HNRNPUL1: variants seen among roughly 807,000 people sequenced by gnomAD.
HNRNPUL1 encodes the protein heterogeneous nuclear ribonucleoprotein U like 1, also known as heterogeneous nuclear ribonucleoprotein U-like protein 1.
Under a neutral mutation model 108.5 loss-of-function variants are expected in HNRNPUL1, and 14 were observed. The observed-to-expected ratio is 0.13, with a 90% CI of 0.09 to 0.20. HNRNPUL1 has a LOEUF of 0.20. Among genes scored for constraint, HNRNPUL1 ranks in the 10% least tolerant of loss-of-function variants. The probability of loss-of-function intolerance (pLI) is 1.00; values close to 1 mark genes in which losing one functional copy is unlikely to be tolerated. For missense variants in HNRNPUL1, 804 were observed against 1,168.3 expected (o/e 0.69, Z 4.55); for synonymous variants, 422 against 445.2 (o/e 0.95, Z 0.66).
Position 41,264,725 on chromosome 19 carries a change from G to T in HNRNPUL1, c.222G>T (p.Gly74=). 1 of 1,441,742 alleles carries T rather than the reference G, an allele frequency of 6.9e-7. No homozygotes were observed. The allele number at this position is 1,441,742 out of a possible 1,614,324, so 89.3% of individuals were successfully genotyped here. A position where few individuals can be genotyped will look rare whatever the true frequency, so the allele number is the denominator to read the frequency against. ...CCGAGGGGGGCTCCGAGCTGGAGGG[G>T]ACCGCGCAGCCACCGCCGCCCGGGC... ...VETEGGSELE[G]TAQPPPPGLQ... is the part of the protein sequence containing the mutation. The change falls in exon 1 of 15, where the codon GGG becomes GGT. Residue 74 remains glycine (G), a synonymous_variant. Coordinates refer to ENST00000392006, the MANE Select transcript of HNRNPUL1 (RefSeq NM_007040.6).
At chr19:41,266,068 T>G (rs938271434) in intron 1 of HNRNPUL1, among the ~76,000 whole-genome samples, 1 of 152,024 alleles carries the variant, frequency 6.6e-6, no homozygotes, top group Non-Finnish European at 1.5e-5. Flanking sequence ...TGGGAATGGG[T>G]TCGGGTAGAC....
At position 41,292,840 on chromosome 19, in the gene HNRNPUL1, C is replaced by A. The variant is rs1292099715; in HGVS notation, c.1266+329C>A. 7.2e-5 allele frequency among the ~76,000 whole-genome samples: 11 copies of A among 152,082 alleles called. No homozygotes were observed. Among genetic ancestry groups the A allele is most frequent in the Non-Finnish European group, 1.5e-4 (10 of 68,004 alleles). ...CTTCTTGGGGAGTGCACTGTGCCAC[C>A]AAGTGTTCTTTTTTTTTCTTTAGAG... On this transcript the variant is annotated intron_variant, in intron 8 of 14. Transcript: ENST00000392006. This position sits in a 1 kb window ranked among gnomAD's most constrained non-coding sequence, Gnocchi z 4.1.
intron 1 of HNRNPUL1, among the ~76,000 whole-genome samples, chr19:41,266,249 A>G (rs2034836518): frequency 6.6e-6 from 1 of 152,106 alleles, no homozygotes; most frequent in African/African-American, 2.4e-5. Flanking sequence ...TCTGGCCAGC[A>G]TAGTGAAACC....
chr19:41,278,803 TTA>T (rs2035728237), intron 5 of HNRNPUL1, among the ~76,000 whole-genome samples: 1 of 152,140 alleles, frequency 6.6e-6, no homozygotes. Flanking sequence ...CTGTAACAGT[TTA>T]TCTTTCTACT....
At position 41,304,348 on chromosome 19, in the gene HNRNPUL1, A is replaced by G. The variant is rs141849845; in HGVS notation, c.2262+87A>G. ...GTTAGGTGGAGGCGGATCTGGGGAA[A>G]TCAACACATGCCCCAGCTACTGGTC... On this transcript the variant is annotated intron_variant, in intron 13 of 14. Coordinates refer to ENST00000392006, the MANE Select transcript of HNRNPUL1 (RefSeq NM_007040.6). 11 of 1,520,654 alleles carry G rather than the reference A, an allele frequency of 7.2e-6. No individual in the cohort carries two copies. In the African/African-American group the frequency reaches 1.1e-4, roughly 15 times the overall value. 94.2% of individuals were successfully genotyped at this position (1,520,654 alleles called of 1,614,324 possible). A position where few individuals can be genotyped will look rare whatever the true frequency, so the allele number is the denominator to read the frequency against.
chr19:41,293,767 A>G (rs928665637), intron 8 of HNRNPUL1, among the ~76,000 whole-genome samples: 1 of 152,162 alleles, frequency 6.6e-6, no homozygotes, highest in African/African-American at 2.4e-5. Context: ...GAGGCCAAGA[A>G]GGGAGGAGGA....
chr19:41,283,435 C>A (rs1290111565), intron 7 of HNRNPUL1, among the ~76,000 whole-genome samples: 1 of 152,118 alleles, frequency 6.6e-6, no homozygotes, highest in Admixed American at 6.5e-5. Context: ...TGTGCACCAC[C>A]ACGCCTGGCT....
At chr19:41,289,285 T>C (rs901025344) in intron 7 of HNRNPUL1, among the ~76,000 whole-genome samples, 12 of 152,320 alleles carry the variant, frequency 7.9e-5, no homozygotes, top group South Asian at 6.2e-4. Flanking sequence ...GTAAAAATCA[T>C]TGGTCTCCTG....
At chr19:41,283,910 C>G (rs939314454) in intron 7 of HNRNPUL1, among the ~76,000 whole-genome samples, 1 of 152,172 alleles carries the variant, frequency 6.6e-6, no homozygotes. Flanking sequence ...TAAAATTAAC[C>G]AGCGCATACT....
Position 41,274,146 on chromosome 19 carries a change from C to T in HNRNPUL1, c.646+91C>T, listed in dbSNP as rs577459845. 2.1e-5 allele frequency: 22 copies of T among 1,025,152 alleles called. No individual in the cohort carries two copies. In the Middle Eastern group the frequency reaches 6.1e-4, roughly 28 times the overall value. 63.5% of individuals were successfully genotyped at this position (1,025,152 alleles called of 1,614,324 possible). The stretch of plus-strand genomic sequence containing the variant: ...CTTCACCAGAATCCCTGCTGGGCAC[C>T]GTCCAAAGACATTGTTAGTCCACAT... On this transcript the variant is annotated intron_variant, in intron 4 of 14. Transcript: ENST00000392006.
chr19:41,299,026 A>G (rs536984601), intron 10 of HNRNPUL1: 1 of 152,320 alleles, frequency 6.6e-6, no homozygotes, highest in East Asian at 1.9e-4. Flanking sequence ...TAGCTGAGGA[A>G]GCCAAACTCT....
At chr19:41,304,475 G>A (rs556442093) in intron 13 of HNRNPUL1, among the ~76,000 whole-genome samples, 4 of 152,270 alleles carry the variant, frequency 2.6e-5, no homozygotes, top group Non-Finnish European at 2.9e-5. Flanking sequence ...AGGAGTAAAT[G>A]TAGACCTTCC....
intron 14 of HNRNPUL1, 51 bp downstream of exon 14, chr19:41,305,918 T>A: frequency 8.0e-7 from 1 of 1,253,072 alleles, no homozygotes; most frequent in East Asian, 2.4e-5. Context: ...CATGGGCCCC[T>A]CCTGGGTGTG....
chr19:41,264,601 T>C lies in HNRNPUL1; in HGVS notation c.98T>C (p.Leu33Pro), dbSNP rs773422950. The change falls in exon 1 of 15, where the codon CTG becomes CCG. Residue 33 changes from leucine (L) to proline (P), a missense_variant. Physicochemically the swap from Leu to Pro is moderately conservative, Grantham distance 98. Coordinates refer to ENST00000392006, the MANE Select transcript of HNRNPUL1 (RefSeq NM_007040.6). ...RGLKAELAERLQAALEAEEPD... is the reference protein window; with the variant it reads ...RGLKAELAERPQAALEAEEPD... The stretch of plus-strand genomic sequence containing the variant: ...CTCAAGGCCGAGCTTGCTGAGCGGC[T>C]GCAGGCGGCGTTGGAGGCCGAGGAG... 10 of 1,578,024 alleles carry C rather than the reference T, an allele frequency of 6.3e-6. No individual in the cohort carries two copies. In the African/African-American group the frequency reaches 1.4e-4, roughly 22 times the overall value.
At chr19:41,299,224 C>T (rs926819405) in intron 10 of HNRNPUL1, among the ~76,000 whole-genome samples, 5 of 152,176 alleles carry the variant, frequency 3.3e-5, no homozygotes, top group Non-Finnish European at 7.3e-5. Context: ...GCCTGTCACC[C>T]ACATGACTGC....
rs1258655662 is a variant in HNRNPUL1, at chr19:41,294,674, T to C, written c.1506T>C (p.Tyr502=). ...IQIAARKKRN[Y]ILDQTNVYGS... is the part of the protein sequence containing the mutation. Reference sequence around the variant, plus strand: ...TTGCTGCCCGCAAGAAACGCAACTATATCCTAGATCAGGTACTTAATGATG... The same window carrying C: ...TTGCTGCCCGCAAGAAACGCAACTACATCCTAGATCAGGTACTTAATGATG... The change falls in exon 10 of 15, where the codon TAT becomes TAC. Residue 502 remains tyrosine (Y), a synonymous_variant. Transcript: ENST00000392006. This position sits in a 1 kb window ranked among gnomAD's most constrained non-coding sequence, Gnocchi z 4.3. 6 of 1,614,084 alleles carry C rather than the reference T, an allele frequency of 3.7e-6. No homozygotes were observed. The highest frequency in any genetic ancestry group is 5.1e-6 in the Non-Finnish European group (6 of 1,180,050).
At chr19:41,297,021 C>T (rs1446084136) in intron 10 of HNRNPUL1, among the ~76,000 whole-genome samples, 3 of 152,192 alleles carry the variant, frequency 2.0e-5, no homozygotes, top group Non-Finnish European at 2.9e-5. Flanking sequence ...AACTCCTACC[C>T]TGGGATGTAT....
chr19:41,264,251 A>C, upstream of HNRNPUL1: 1 of 373,912 alleles, frequency 2.7e-6, no homozygotes, highest in Non-Finnish European at 4.8e-6. Flanking sequence ...CGTTGTTTTG[A>C]AAACGGCGCT....
Position 41,292,433 on chromosome 19 carries a change from G to A in HNRNPUL1, c.1188G>A (p.Gly396=), listed in dbSNP as rs755713629. 2.5e-6 allele frequency: 4 copies of A among 1,614,176 alleles called. No homozygotes were observed. The East Asian group carries it at 6.7e-5, about 27-fold the overall frequency. The change falls in exon 8 of 15, where the codon GGG becomes GGA. Residue 396 remains glycine (G), a synonymous_variant. Transcript: ENST00000392006. This position sits in a 1 kb window ranked among gnomAD's most constrained non-coding sequence, Gnocchi z 4.1. ...AGCCCTACTGTTCTGTCCTCCCGGGGTTTACCTTCATCCAGCACCTTCCCC... is the reference window on the plus strand; with the variant it reads ...AGCCCTACTGTTCTGTCCTCCCGGGATTTACCTTCATCCAGCACCTTCCCC... ...RAEPYCSVLP[G]FTFIQHLPLS... is the part of the protein sequence containing the mutation.
Sources: allele counts gnomAD v4.1 joint callset (sites outside exome capture counted in the v4.1 genomes callset), GRCh38; gene constraint gnomAD v4.1.1; non-coding constraint Gnocchi (gnomAD v3.1); transcripts MANE v1.5; gene names NCBI Gene and HGNC (gene_info 2026-07-23, HGNC 2026-07-21).